Variants in CLTC observed in about 807,000 individuals in gnomAD.
The protein encoded by CLTC is clathrin heavy chain.
In CLTC, 16 loss-of-function variants were observed where a neutral mutation model predicts 195.8. That is an observed-to-expected ratio of 0.08 (90% confidence interval 0.06 to 0.12). The LOEUF (loss-of-function observed/expected upper bound fraction) is 0.12, where lower values mean the gene tolerates loss of function less well. Ranked by LOEUF, CLTC falls within the 10% of genes least tolerant of loss-of-function variation. CLTC has a pLI of 1.00. For missense variants in CLTC, 796 were observed against 2,027.0 expected (o/e 0.39, Z 11.66); for synonymous variants, 667 against 689.4 (o/e 0.97, Z 0.51).
rs2033106217 is a variant in CLTC, at chr17:59,682,721, G to C, written c.3693G>C (p.Leu1231=). The change falls in exon 23 of 32, where the codon CTG becomes CTC. Residue 1231 remains leucine (L), a synonymous_variant. Transcript: ENST00000269122. This position sits in a 1 kb window ranked among gnomAD's most constrained non-coding sequence, Gnocchi z 6.8. ...ATTTTGGACGTTTGGCATCTACCCT[G>C]GTTCACCTGGGTGAATATCAGGCAG... ...VSNFGRLAST[L]VHLGEYQAAV... 1 of 1,614,126 alleles carries C rather than the reference G, an allele frequency of 6.2e-7. No individual in the cohort carries two copies. Among genetic ancestry groups the C allele is most frequent in the Non-Finnish European group, 8.5e-7 (1 of 1,180,002 alleles).
intron 1 of CLTC, among the ~76,000 whole-genome samples, chr17:59,638,707 G>A (rs1001876848): frequency 6.6e-6 from 1 of 152,132 alleles, no homozygotes; most frequent in Admixed American, 6.6e-5. Flanking sequence ...ATCTAATGCC[G>A]TGGCTGAAAT....
chr17:59,657,125 G>A (rs1350196456), intron 6 of CLTC, among the ~76,000 whole-genome samples: 1 of 152,124 alleles, frequency 6.6e-6, no homozygotes, highest in Non-Finnish European at 1.5e-5. Flanking sequence ...GAAGTAGATA[G>A]ATTTTGTTTC....
chr17:59,657,987 T>C (rs1395647520), intron 6 of CLTC, among the ~76,000 whole-genome samples: 1 of 151,094 alleles, frequency 6.6e-6, no homozygotes, highest in Non-Finnish European at 1.5e-5. Context: ...TCACCTGGGG[T>C]CAGGAGTTTG....
chr17:59,684,642 A>T (rs988027301), intron 28 of CLTC: 2 of 153,222 alleles, frequency 1.3e-5, no homozygotes, highest in African/African-American at 4.8e-5. Flanking sequence ...CGTCTCTACT[A>T]AAATACCAAA....
At chr17:59,662,276 T>G (rs2143545161) in intron 8 of CLTC, among the ~76,000 whole-genome samples, 1 of 152,316 alleles carries the variant, frequency 6.6e-6, no homozygotes, top group South Asian at 2.1e-4. Context: ...TAACTAGCTT[T>G]CTTTACTGTA....
intron 1 of CLTC, among the ~76,000 whole-genome samples, chr17:59,636,925 G>A (rs1285409356): frequency 6.7e-6 from 1 of 148,460 alleles, no homozygotes; most frequent in Non-Finnish European, 1.5e-5. Context: ...ACCATGCCCG[G>A]CTAATTCTTT....
Position 59,696,828 on chromosome 17 carries a change from G to T in CLTC, c.*2976G>T, listed in dbSNP as rs2033439756. 4.9e-6 allele frequency: 1 copy of T among 203,032 alleles called. No homozygotes were observed. Among genetic ancestry groups the T allele is most frequent in the South Asian group, 1.9e-4 (1 of 5,258 alleles). 12.6% of individuals were successfully genotyped at this position (203,032 alleles called of 1,614,324 possible). A position where few individuals can be genotyped will look rare whatever the true frequency, so the allele number is the denominator to read the frequency against. ...AGTTTCAGTGGCTTCATTGTTACAA[G>T]AAAGGGGGGAAGTGAGAAACTTTAA... On this transcript the variant is annotated 3_prime_UTR_variant, in exon 32 of 32. Coordinates refer to ENST00000269122, the MANE Select transcript of CLTC (RefSeq NM_004859.4).
In CLTC at chr17:59,644,375, G is replaced by T. The variant is rs764106909; in HGVS notation, c.142G>T (p.Ala48Ser). ...ICIREKVGEQAQVVIIDMNDP... is the reference protein window; with the variant it reads ...ICIREKVGEQSQVVIIDMNDP... ...CATTAGAGAAAAAGTAGGAGAGCAG[G>T]CCCAGGTGGTAATCATTGATATGAA... Residue 48 changes from alanine (A) to serine (S), a missense_variant, in exon 2 of 32, where the codon GCC becomes TCC. By Grantham distance (99) the Ala-to-Ser change is moderately conservative. Transcript: ENST00000269122. 38 of 1,613,952 alleles carry T rather than the reference G, an allele frequency of 2.4e-5. No homozygotes were observed. Among genetic ancestry groups the T allele is most frequent in the Non-Finnish European group, 3.1e-5 (37 of 1,180,014 alleles).
In CLTC at chr17:59,650,734, C is replaced by T. The variant is rs117710179; in HGVS notation, c.682-469C>T. Among the ~76,000 whole-genome samples the T allele has an allele frequency of 1.1e-4, 16 of 152,284 alleles. 1 individual carries two copies. The East Asian group carries it at 2.5e-3, about 24-fold the overall frequency. On this transcript the variant is annotated intron_variant, in intron 4 of 31. Transcript: ENST00000269122. ...ACCCAGTTTCTCCCAATGGCTACAT[C>T]TTACACAGCTGTAGTACAGTAGAAA...
chr17:59,621,332 T>A (rs543255386), intron 1 of CLTC, among the ~76,000 whole-genome samples: 4 of 152,362 alleles, frequency 2.6e-5, no homozygotes, highest in African/African-American at 9.6e-5. Context: ...TAAAGAAACC[T>A]GCCTCAGCTC....
At chr17:59,693,360 CTTTT>C (rs56119322) in intron 31 of CLTC, among the ~76,000 whole-genome samples, 13 of 136,710 alleles carry the variant, frequency 9.5e-5, no homozygotes, top group Non-Finnish European at 9.4e-5. Flanking sequence ...GAGCCAGATT[CTTTT>C]TTTTTTTTTT....
At position 59,683,025 on chromosome 17, in the gene CLTC, G is replaced by C. The variant is rs1478724816; in HGVS notation, c.3873+11G>C. 6.2e-7 allele frequency: 1 copy of C among 1,613,534 alleles called. No individual in the cohort carries two copies. Among genetic ancestry groups the C allele is most frequent in the Non-Finnish European group, 8.5e-7 (1 of 1,179,630 alleles). ...ATCAACTACTATCAGGTATTAACGA[G>C]ACTTTTATATGACCTGAGATCTTTT... On this transcript the variant is annotated intron_variant, in intron 24 of 31. Transcript: ENST00000269122. The surrounding 1 kb of genome is among the most constrained non-coding windows in gnomAD (Gnocchi z 6.1).
At position 59,664,864 on chromosome 17, in the gene CLTC, C is replaced by T. The variant is rs562750455; in HGVS notation, c.1599C>T (p.Ala533=). 6.2e-7 allele frequency: 1 copy of T among 1,613,920 alleles called. No homozygotes were observed. Among genetic ancestry groups the T allele is most frequent in the East Asian group, 2.2e-5 (1 of 44,876 alleles). The change falls in exon 10 of 32, where the codon GCC becomes GCT. Residue 533 remains alanine, a synonymous_variant. Transcript: ENST00000269122. ...GTCCAGATCAGGGACAGCAGTTTGC[C>T]CAAATGTTAGTTCAAGATGAAGAGC... ...RISPDQGQQF[A]QMLVQDEEPL...
chr17:59,677,092 T>C lies in CLTC; in HGVS notation c.2700T>C (p.Tyr900=), dbSNP rs750216802. 1.9e-6 allele frequency: 3 copies of C among 1,614,086 alleles called. No individual in the cohort carries two copies. Among genetic ancestry groups the C allele is most frequent in the South Asian group, 2.2e-5 (2 of 91,084 alleles). ...GATTTCTTCGTGAAAATCCCTACTA[T>C]GACAGTCGCGTTGTTGGAAAGTATT... ...PERFLRENPY[Y]DSRVVGKYCE... Residue 900 remains tyrosine (Y), a synonymous_variant, in exon 17 of 32, where the codon TAT becomes TAC. Coordinates refer to ENST00000269122, the MANE Select transcript of CLTC (RefSeq NM_004859.4).
intron 1 of CLTC, among the ~76,000 whole-genome samples, chr17:59,628,048 G>A (rs1438770851): frequency 2.0e-5 from 3 of 152,192 alleles, no homozygotes; most frequent in Admixed American, 6.5e-5. Flanking sequence ...CAGACTTGTA[G>A]GGTTGTGCTT....
At chr17:59,664,639 C>T (rs1204848250) in intron 9 of CLTC, 148 bp from the exon 10 acceptor site, 3 of 644,228 alleles carry the variant, frequency 4.7e-6, no homozygotes, top group African/African-American at 3.7e-5. Context: ...TATGTCATCA[C>T]CAAGGTCTAA....
chr17:59,661,105 CTG>C (rs2032597417), intron 7 of CLTC, among the ~76,000 whole-genome samples: 1 of 151,926 alleles, frequency 6.6e-6, no homozygotes, highest in Non-Finnish European at 1.5e-5. Context: ...TTAGCTATAA[CTG>C]TTTTATGATT....
At chr17:59,635,679 T>C (rs1014879730) in intron 1 of CLTC, among the ~76,000 whole-genome samples, 7 of 152,228 alleles carry the variant, frequency 4.6e-5, no homozygotes, top group Non-Finnish European at 7.3e-5. Context: ...GTATATAGTA[T>C]TGAATTAAAT....
intron 1 of CLTC, among the ~76,000 whole-genome samples, chr17:59,642,658 A>G (rs1053539853): frequency 2.0e-5 from 3 of 152,218 alleles, no homozygotes; most frequent in Non-Finnish European, 4.4e-5. Flanking sequence ...AACTAAATAC[A>G]TTATAAGTTA....
Sources: allele counts gnomAD v4.1 joint callset (sites outside exome capture counted in the v4.1 genomes callset), GRCh38; gene constraint gnomAD v4.1.1; non-coding constraint Gnocchi (gnomAD v3.1); transcripts MANE v1.5; gene names NCBI Gene and HGNC (gene_info 2026-07-23, HGNC 2026-07-21).